MAP2K5: variants seen among roughly 807,000 people sequenced by gnomAD.
MAP2K5 encodes the protein mitogen-activated protein kinase kinase 5, also known as dual specificity mitogen-activated protein kinase kinase 5.
MAP2K5 carries 49 observed loss-of-function variants against 83.1 expected under a neutral mutation model. The ratio of observed to expected loss-of-function variants is 0.59; its 90% confidence interval spans 0.47 to 0.75. The LOEUF is 0.75. Ranked by LOEUF, MAP2K5 falls within the 30% of genes least tolerant of loss-of-function variation. MAP2K5 has a pLI of 0.00. For synonymous variants in MAP2K5, 202 were observed against 191.8 expected (o/e 1.05, Z -0.44); for missense variants, 457 against 557.5 (o/e 0.82, Z 1.82).
At position 67,720,359 on chromosome 15, in the gene MAP2K5, C is replaced by T. The variant is rs1955239394; in HGVS notation, c.1045-7557C>T. ...ATATACATATATATCTATATATATA[C>T]ACACTTACACACACACAAGGAAAAA... On this transcript the variant is annotated intron_variant, in intron 16 of 21. Transcript: ENST00000178640. This position sits in a 1 kb window ranked among gnomAD's most constrained non-coding sequence, Gnocchi z 5.7. Among the ~76,000 whole-genome samples the T allele has an allele frequency of 6.6e-6, 1 of 151,840 alleles. No individual in the cohort carries two copies. The highest frequency in any genetic ancestry group is 2.4e-5 in the African/African-American group (1 of 41,316).
intron 16 of MAP2K5, among the ~76,000 whole-genome samples, chr15:67,710,193 G>A (rs1010848801): frequency 2.6e-5 from 4 of 152,252 alleles, no homozygotes; most frequent in Middle Eastern, 3.4e-3. Context: ...CATAGCATAC[G>A]CATTTTGCTC....
chr15:67,571,467 C>G (rs1020451492), intron 3 of MAP2K5, among the ~76,000 whole-genome samples: 1 of 152,186 alleles, frequency 6.6e-6, no homozygotes, highest in African/African-American at 2.4e-5. Context: ...TTAAATTCTA[C>G]CACTGTACTT....
Position 67,760,243 on chromosome 15 carries a change from T to G in MAP2K5, c.1135-9359T>G, listed in dbSNP as rs2089923663. Among the ~76,000 whole-genome samples, 1 of 152,210 alleles carries G rather than the reference T, an allele frequency of 6.6e-6. No homozygotes were observed. The highest frequency in any genetic ancestry group is 6.5e-5 in the Admixed American group (1 of 15,282). ...ATCCAAAAGTTAATGTTCTGTTCAC[T>G]TATAATTATATTTAATTCATATTTA... On this transcript the variant is annotated intron_variant, in intron 19 of 21. Transcript: ENST00000178640. This position sits in a 1 kb window ranked among gnomAD's most constrained non-coding sequence, Gnocchi z 4.1.
At position 67,543,509 on chromosome 15, in the gene MAP2K5, G is replaced by A. The variant is rs1160589623; in HGVS notation, c.135+39G>A. On this transcript the variant is annotated intron_variant, in intron 1 of 21. Transcript: ENST00000178640. The surrounding 1 kb of genome is among the most constrained non-coding windows in gnomAD (Gnocchi z 4.3). ...TCAGTGTCCGGATGCCAGCAAGGGG[G>A]ACTCAGGGACTTGAGTAGTCAGCAC... 3.7e-6 allele frequency: 6 copies of A among 1,612,482 alleles called. No homozygotes were observed. Among genetic ancestry groups the A allele is most frequent in the African/African-American group, 2.7e-5 (2 of 74,888 alleles).
chr15:67,739,454 ATATATATATTTTTTTTTTTTTTT>A (rs2089434980), intron 17 of MAP2K5, among the ~76,000 whole-genome samples: 1 of 16,730 alleles, frequency 6.0e-5, no homozygotes, highest in Non-Finnish European at 9.9e-5. Flanking sequence ...ATATATATAT[ATATATATATTTTTTTTTTTTTTT>A]TTTTTTTTTT....
chr15:67,663,811 G>T (rs1046937751), intron 12 of MAP2K5, among the ~76,000 whole-genome samples: 4 of 152,254 alleles, frequency 2.6e-5, no homozygotes, highest in African/African-American at 9.6e-5. Flanking sequence ...GGAATTTGAG[G>T]TTACAGTGTG....
chr15:67,635,188 CTTT>C (rs35373677), intron 9 of MAP2K5, among the ~76,000 whole-genome samples: 2 of 141,666 alleles, frequency 1.4e-5, no homozygotes, highest in Non-Finnish European at 1.5e-5. Flanking sequence ...AGATATTTAT[CTTT>C]TTTTTTTTTT....
intron 12 of MAP2K5, among the ~76,000 whole-genome samples, chr15:67,663,939 A>G (rs2087304362): frequency 6.6e-6 from 1 of 152,196 alleles, no homozygotes. Flanking sequence ...ACACAGAAGT[A>G]TAGAAAATTA....
At chr15:67,697,610 G>T (rs2088298540) in intron 15 of MAP2K5, among the ~76,000 whole-genome samples, 1 of 152,184 alleles carries the variant, frequency 6.6e-6, no homozygotes, top group African/African-American at 2.4e-5. Context: ...CCAGATGAAT[G>T]AATTAGTTCA....
chr15:67,627,354 A>T (rs2086349617), intron 8 of MAP2K5, among the ~76,000 whole-genome samples: 1 of 152,334 alleles, frequency 6.6e-6, no homozygotes, highest in African/African-American at 2.4e-5. Context: ...TAAAGTAAAC[A>T]GTTGTCACCC....
rs1246813254 is a variant in MAP2K5 at position 67,782,843 on chromosome 15, T to G, written c.1242+10091T>G. Among the ~76,000 whole-genome samples, 1 of 152,222 alleles carries G rather than the reference T, an allele frequency of 6.6e-6. No individual in the cohort carries two copies. Among genetic ancestry groups the G allele is most frequent in the Non-Finnish European group, 1.5e-5 (1 of 68,034 alleles). On this transcript the variant is annotated intron_variant, in intron 21 of 21. Transcript: ENST00000178640. The surrounding 1 kb of genome is among the most constrained non-coding windows in gnomAD (Gnocchi z 4.9). The stretch of plus-strand genomic sequence containing the variant: ...AAAGTCCCTTCTCCAAAACAAGCTT[T>G]CCTCCCGTCAGGGAGGTCAGCAGAG...
In MAP2K5 at chr15:67,576,512, TG is replaced by T. The variant is rs899524338; in HGVS notation, c.253-4241del. Among the ~76,000 whole-genome samples the T allele has an allele frequency of 3.1e-4, 46 of 147,762 alleles. 6 individuals carry two copies. Among genetic ancestry groups the T allele is most frequent in the African/African-American group, 1.1e-3 (45 of 40,744 alleles). On this transcript the variant is annotated intron_variant, in intron 3 of 21. Coordinates refer to ENST00000178640, the MANE Select transcript of MAP2K5 (RefSeq NM_145160.3). ...AAACTTTGTCACATCCTTATTAAAA[TG>T]ACTGAAGAATTTTGAAGAACAGCTC...
intron 4 of MAP2K5, among the ~76,000 whole-genome samples, chr15:67,582,842 AC>A (rs2085210653): frequency 1.3e-5 from 2 of 151,830 alleles, no homozygotes; most frequent in African/African-American, 4.8e-5. Context: ...ACACACACAC[AC>A]ACACACACAC....
intron 13 of MAP2K5, among the ~76,000 whole-genome samples, chr15:67,667,958 C>G (rs886485496): frequency 2.6e-5 from 4 of 152,094 alleles, no homozygotes; most frequent in African/African-American, 9.7e-5. Flanking sequence ...CAGCGGCAAA[C>G]CACTCATCCC....
intron 13 of MAP2K5, among the ~76,000 whole-genome samples, chr15:67,686,553 A>G (rs2087958091): frequency 6.6e-6 from 1 of 151,684 alleles, no homozygotes; most frequent in African/African-American, 2.4e-5. Flanking sequence ...CAGTGAGCCA[A>G]GATCACATCA....
rs1457588703 is a variant in MAP2K5, at chr15:67,550,000, G to A, written c.136-34G>A. On this transcript the variant is annotated intron_variant, in intron 1 of 21. Coordinates refer to ENST00000178640, the MANE Select transcript of MAP2K5 (RefSeq NM_145160.3). ...CCACATGTTAGCAATAAAGAAGATGGCTAATTGTGTTTCTTTATTCTTTCT... is the reference window on the plus strand; with the variant it reads ...CCACATGTTAGCAATAAAGAAGATGACTAATTGTGTTTCTTTATTCTTTCT... The A allele has an allele frequency of 3.2e-6, 5 of 1,556,184 alleles. No individual in the cohort carries two copies. The Admixed American group carries it at 5.0e-5, about 16-fold the overall frequency.
chr15:67,662,398 A>G (rs6494681), intron 12 of MAP2K5, among the ~76,000 whole-genome samples: 151,062 of 152,238 alleles, frequency 0.99, 74,965 homozygotes, highest in Non-Finnish European at 1. Flanking sequence ...ATGGGTAATG[A>G]TAGGTTTTCT....
At position 67,806,758 on chromosome 15, in the gene MAP2K5, G is replaced by C; in HGVS notation, c.*8G>C. On this transcript the variant is annotated 3_prime_UTR_variant, in exon 22 of 22. Transcript: ENST00000178640. ...CAGCAGGGGCCCCCGTGAGGCTGCCGCAGGGCACTGAAAGCCCAGGACCAG... is the reference window on the plus strand; with the variant it reads ...CAGCAGGGGCCCCCGTGAGGCTGCCCCAGGGCACTGAAAGCCCAGGACCAG... 1 of 1,562,048 alleles carries C rather than the reference G, an allele frequency of 6.4e-7. No individual in the cohort carries two copies. Among genetic ancestry groups the C allele is most frequent in the Non-Finnish European group, 8.6e-7 (1 of 1,157,014 alleles).
At chr15:67,604,652 T>G (rs2085738897) in intron 8 of MAP2K5, among the ~76,000 whole-genome samples, 1 of 152,088 alleles carries the variant, frequency 6.6e-6, no homozygotes. Flanking sequence ...ATCCCAGCAC[T>G]TTGGGAGGCC....
Sources: allele counts gnomAD v4.1 joint callset (sites outside exome capture counted in the v4.1 genomes callset), GRCh38; gene constraint gnomAD v4.1.1; non-coding constraint Gnocchi (gnomAD v3.1); transcripts MANE v1.5; gene names NCBI Gene and HGNC (gene_info 2026-07-23, HGNC 2026-07-21).